KCNMA1: variants seen among roughly 807,000 people sequenced by gnomAD.
The protein encoded by KCNMA1 is Calcium-activated potassium channel subunit alpha-1.
A neutral mutation model predicts 140.0 loss-of-function variants in KCNMA1; 29 were observed. The observed-to-expected ratio is 0.21, with a 90% CI of 0.15 to 0.28. The LOEUF (loss-of-function observed/expected upper bound fraction) is 0.28. KCNMA1 is among the 10% of genes least tolerant of loss of function. The probability of loss-of-function intolerance (pLI) is 1.00; values close to 1 mark genes in which losing one functional copy is unlikely to be tolerated. For synonymous variants in KCNMA1, 612 were observed against 611.9 expected, an observed-to-expected ratio of 1.00 and a Z score of 0.00; for missense variants, 880 against 1,602.2, an observed-to-expected ratio of 0.55 and a Z score of 7.70.
chr10:77,062,751 G>A (rs2095801643), intron 14 of KCNMA1, among the ~76,000 whole-genome samples: 1 of 152,216 alleles, frequency 6.6e-6, no homozygotes, highest in African/African-American at 2.4e-5. Context: ...CCTAGGATAA[G>A]CTCATTTTAC....
intron 5 of KCNMA1, among the ~76,000 whole-genome samples, chr10:77,145,369 C>T (rs551873888): frequency 9.2e-5 from 14 of 152,328 alleles, no homozygotes; most frequent in South Asian, 2.1e-4. Context: ...TCTATGCAAA[C>T]GTATGCACAC....
intron 2 of KCNMA1, among the ~76,000 whole-genome samples, chr10:77,270,541 T>C (rs1196060241): frequency 6.6e-6 from 1 of 151,728 alleles, no homozygotes; most frequent in African/African-American, 2.4e-5. Context: ...TTTTTTTTTT[T>C]TCCAGGGTCT....
intron 18 of KCNMA1, among the ~76,000 whole-genome samples, chr10:77,003,270 A>T (rs1409445422): frequency 6.6e-6 from 1 of 152,052 alleles, no homozygotes; most frequent in East Asian, 1.9e-4. Flanking sequence ...AGCCCTGTTC[A>T]ATGGTGGTAT....
chr10:77,388,900 T>C (rs1177876363), intron 2 of KCNMA1, among the ~76,000 whole-genome samples: 5 of 152,170 alleles, frequency 3.3e-5, no homozygotes, highest in African/African-American at 1.2e-4. Context: ...CAACTCCCTG[T>C]GGGCCGCAGT....
intron 25 of KCNMA1, chr10:76,902,587 G>T (rs1380153555): frequency 6.6e-6 from 1 of 152,218 alleles, no homozygotes; most frequent in Non-Finnish European, 1.5e-5. Flanking sequence ...GAATACAGGA[G>T]TCCCTCTTCC....
chr10:77,246,503 A>G (rs1029127062), intron 3 of KCNMA1, among the ~76,000 whole-genome samples: 10 of 152,308 alleles, frequency 6.6e-5, no homozygotes, highest in Middle Eastern at 3.4e-3. Flanking sequence ...CTATGTGAAG[A>G]CAGGGGAGGG....
At chr10:77,016,610 C>G (rs1158636891) in intron 17 of KCNMA1, among the ~76,000 whole-genome samples, 2 of 152,106 alleles carry the variant, frequency 1.3e-5, no homozygotes, top group Non-Finnish European at 2.9e-5. Flanking sequence ...AATTGTGACT[C>G]AAAAGGATCA....
intron 19 of KCNMA1, among the ~76,000 whole-genome samples, chr10:76,988,260 T>C (rs923406080): frequency 1.3e-5 from 2 of 152,144 alleles, no homozygotes; most frequent in Admixed American, 1.3e-4. Context: ...GTCTTGGCCT[T>C]GCTCCAAGCA....
intron 5 of KCNMA1, among the ~76,000 whole-genome samples, chr10:77,177,678 T>C (rs1045303331): frequency 1.3e-5 from 2 of 152,030 alleles, no homozygotes; most frequent in Non-Finnish European, 2.9e-5. Context: ...CTAGGCTTCA[T>C]TCTCCCTGTC....
At chr10:77,578,697 C>T (rs139745934) in intron 1 of KCNMA1, among the ~76,000 whole-genome samples, 4 of 152,306 alleles carry the variant, frequency 2.6e-5, no homozygotes, top group African/African-American at 7.2e-5. Flanking sequence ...CTGCCTCTCT[C>T]GGGACTCAGA....
chr10:76,871,219 T>C (rs1356112942), exon 28 of KCNMA1: 1 of 152,828 alleles, frequency 6.5e-6, no homozygotes, highest in Non-Finnish European at 1.5e-5. Context: ...CTTGCCTGTG[T>C]GGCCTTCCCT....
chr10:77,109,654 G>A (rs1377331561), intron 8 of KCNMA1, among the ~76,000 whole-genome samples: 1 of 152,154 alleles, frequency 6.6e-6, no homozygotes, highest in African/African-American at 2.4e-5. Context: ...GGGGATGTCC[G>A]CCTGGACAAG....
intron 5 of KCNMA1, among the ~76,000 whole-genome samples, chr10:77,155,814 A>C (rs891088176): frequency 1.3e-5 from 2 of 152,210 alleles, no homozygotes; most frequent in African/African-American, 4.8e-5. Context: ...AATGTCACAA[A>C]ACCCTGACAC....
intron 2 of KCNMA1, among the ~76,000 whole-genome samples, chr10:77,253,143 G>T (rs139772911): frequency 4.6e-5 from 7 of 152,298 alleles, no homozygotes; most frequent in South Asian, 2.1e-4. Flanking sequence ...TATTTCTGAG[G>T]CATAAGCAGT....
chr10:76,942,736 G>C (rs1340845683), intron 23 of KCNMA1, among the ~76,000 whole-genome samples: 1 of 152,174 alleles, frequency 6.6e-6, no homozygotes, highest in Non-Finnish European at 1.5e-5. Context: ...TCATGATCGA[G>C]TTTGGAGGAA....
chr10:77,268,740 G>A (rs2064127455), intron 2 of KCNMA1, among the ~76,000 whole-genome samples: 1 of 152,166 alleles, frequency 6.6e-6, no homozygotes, highest in Non-Finnish European at 1.5e-5. Flanking sequence ...AATAAAGCAG[G>A]GAGTAGTGGG....
chr10:77,090,080 A>G (rs559333670), intron 10 of KCNMA1, among the ~76,000 whole-genome samples: 3 of 152,140 alleles, frequency 2.0e-5, no homozygotes, highest in Non-Finnish European at 2.9e-5. Context: ...GACACGCCAG[A>G]TTGCTAAGGG....
intron 1 of KCNMA1, chr10:77,587,898 G>T (rs750621996): frequency 4.3e-5 from 42 of 982,052 alleles, no homozygotes; most frequent in Non-Finnish European, 5.0e-5. Flanking sequence ...GCCCAGATCT[G>T]CCTTCAAGAT....
At chr10:77,099,714 C>CA (rs58252192) in intron 9 of KCNMA1, among the ~76,000 whole-genome samples, 78 of 125,808 alleles carry the variant, frequency 6.2e-4, no homozygotes, top group East Asian at 9.1e-4. Flanking sequence ...AACTCCATCT[C>CA]AAAAAAAAAA....
Sources: gnomAD v4.1 joint callset for allele counts (sites outside exome capture counted in the v4.1 genomes callset) on GRCh38, gnomAD v4.1.1 for gene constraint, MANE v1.5 for transcripts, NCBI Gene and HGNC (gene_info 2026-07-23, HGNC 2026-07-21) for gene names.